The following WWP1 variants were observed in gnomAD, a reference collection of about 807,000 sequenced individuals.
WWP1 encodes the protein NEDD4-like E3 ubiquitin-protein ligase WWP1.
In WWP1, 49 loss-of-function variants were observed where a neutral mutation model predicts 130.6. The ratio of observed to expected loss-of-function variants is 0.38; its 90% CI spans 0.30 to 0.48. The LOEUF (loss-of-function observed/expected upper bound fraction) is 0.48, where lower values mean the gene tolerates loss of function less well. Ranked by LOEUF, WWP1 falls within the 20% of genes least tolerant of loss-of-function variation. The pLI is 0.99. For synonymous variants in WWP1, 332 were observed against 367.8 expected, an observed-to-expected ratio of 0.90 and a Z score of 1.11; for missense variants, 809 against 1,100.6, an observed-to-expected ratio of 0.74 and a Z score of 3.75.
intron 1 of WWP1, among the ~76,000 whole-genome samples, chr8:86,367,279 G>A (rs1348176524): frequency 6.6e-6 from 1 of 152,164 alleles, no homozygotes; most frequent in Non-Finnish European, 1.5e-5. Flanking sequence ...AAGTATGTTT[G>A]TTAATTGATC....
At chr8:86,421,627 A>T (rs1332060190) in intron 9 of WWP1, among the ~76,000 whole-genome samples, 2 of 152,090 alleles carry the variant, frequency 1.3e-5, no homozygotes, top group African/African-American at 4.8e-5. Context: ...GTTTGAGACC[A>T]TTCTGGCTAA....
At chr8:86,391,587 A>C (rs548997625) in intron 5 of WWP1, among the ~76,000 whole-genome samples, 2 of 152,174 alleles carry the variant, frequency 1.3e-5, no homozygotes, top group Admixed American at 6.5e-5. Context: ...TACTTTAATC[A>C]ATAATATGTT....
Position 86,448,581 on chromosome 8 carries a change from C to G in WWP1, c.2273+68C>G, listed in dbSNP as rs113070596. On this transcript the variant is annotated intron_variant, in intron 20 of 24. Transcript: ENST00000517970. ...CAGAACTAAATCCTCTCTCTGTACC[C>G]TTAATTTCATCCCCTTTTCATGCCT... 8.7e-5 allele frequency: 125 copies of G among 1,429,132 alleles called. 2 individuals are homozygous for G. The African/African-American group carries it at 1.4e-3, about 16-fold the overall frequency. The allele number at this position is 1,429,132 out of a possible 1,614,324, so 88.5% of individuals were successfully genotyped here.
chr8:86,428,699 C>T (rs202107014), intron 11 of WWP1, among the ~76,000 whole-genome samples: 17 of 152,134 alleles, frequency 1.1e-4, no homozygotes, highest in East Asian at 1.9e-4. Context: ...GTTTCCATAG[C>T]GTTTCCTGCT....
intron 17 of WWP1, 56 bp from the exon 18 acceptor site, chr8:86,442,563 T>C: frequency 1.4e-6 from 2 of 1,455,854 alleles, no homozygotes; most frequent in Non-Finnish European, 1.9e-6. Flanking sequence ...ATTTAAGATC[T>C]GTTTTTAAAT....
intron 1 of WWP1, among the ~76,000 whole-genome samples, chr8:86,358,179 G>T (rs1586249583): frequency 6.6e-6 from 1 of 152,164 alleles, no homozygotes; most frequent in South Asian, 2.1e-4. Flanking sequence ...TTTTGTATTG[G>T]ACGTTTTTCT....
At chr8:86,401,948 C>G in intron 7 of WWP1, 71 bp from the exon 8 acceptor site, 1 of 1,324,892 alleles carries the variant, frequency 7.5e-7, no homozygotes, top group Non-Finnish European at 9.9e-7. Flanking sequence ...TTTAGTAAAT[C>G]CTATGAAAAT....
intron 5 of WWP1, among the ~76,000 whole-genome samples, chr8:86,397,528 A>G (rs959680862): frequency 1.3e-5 from 2 of 152,198 alleles, no homozygotes; most frequent in Admixed American, 6.5e-5. Flanking sequence ...ACATTGTGCA[A>G]TATCTCCAAG....
intron 5 of WWP1, among the ~76,000 whole-genome samples, chr8:86,388,876 T>C (rs545398251): frequency 6.6e-6 from 1 of 152,276 alleles, no homozygotes; most frequent in South Asian, 2.1e-4. Context: ...CTTTTTAATT[T>C]TATATTCCCA....
chr8:86,347,181 C>A (rs1056327077), intron 1 of WWP1, among the ~76,000 whole-genome samples: 1 of 151,984 alleles, frequency 6.6e-6, no homozygotes, highest in African/African-American at 2.4e-5. Flanking sequence ...GAGATGGGGT[C>A]TTGCTGTGTT....
chr8:86,442,620 G>T lies in WWP1; in HGVS notation c.1840G>T (p.Glu614Ter). The T allele has an allele frequency of 6.3e-7, 1 of 1,589,714 alleles. No homozygotes were observed. The highest frequency in any genetic ancestry group is 2.3e-4 in the Middle Eastern group (1 of 4,432). The change falls in exon 18 of 25, where the codon GAA (glutamate) becomes TAA (stop). Residue 614 changes from glutamate (E) to a stop codon, truncating the protein, a stop_gained and splice_region_variant. Transcript: ENST00000517970. LOFTEE classifies it high-confidence loss of function. ...TAACCTTGACTTATTTTCTTATAGA[G>T]AATGGTTTTTCTTGCTTTCACATGA... ...EGLDYGGLAR[E>*]WFFLLSHEVL...
intron 3 of WWP1, among the ~76,000 whole-genome samples, chr8:86,379,395 A>C (rs1435731701): frequency 6.6e-6 from 1 of 152,124 alleles, no homozygotes; most frequent in East Asian, 1.9e-4. Flanking sequence ...TTGTGTGACT[A>C]TTTAGATTAT....
At chr8:86,355,009 A>G (rs1823174267) in intron 1 of WWP1, among the ~76,000 whole-genome samples, 1 of 152,074 alleles carries the variant, frequency 6.6e-6, no homozygotes, top group African/African-American at 2.4e-5. Context: ...AGACAGGAAA[A>G]CTGAGACTCA....
intron 17 of WWP1, 37 bp from the exon 18 acceptor site, chr8:86,442,582 T>G: frequency 6.5e-7 from 1 of 1,541,564 alleles, no homozygotes; most frequent in South Asian, 1.2e-5. Flanking sequence ...ATTCACATAT[T>G]AATGCTAAAA....
At chr8:86,343,033 C>T (rs1359142069) in intron 1 of WWP1, 103 bp downstream of exon 1, 4 of 299,782 alleles carry the variant, frequency 1.3e-5, no homozygotes, top group Admixed American at 5.1e-5. Flanking sequence ...GCGCCGTCCG[C>T]CCCCGGGCTG....
intron 17 of WWP1, chr8:86,440,849 G>GT: frequency 3.1e-6 from 1 of 327,644 alleles, no homozygotes; most frequent in South Asian, 2.6e-5. Flanking sequence ...TCATGTCACT[G>GT]TTTGCAGTAC....
intron 17 of WWP1, among the ~76,000 whole-genome samples, chr8:86,439,669 A>G (rs1386031887): frequency 1.3e-5 from 2 of 152,194 alleles, no homozygotes; most frequent in African/African-American, 4.8e-5. Context: ...AAAGTTTTCT[A>G]CATTCACTAA....
At chr8:86,413,697 T>A (rs1014225735) in intron 9 of WWP1, among the ~76,000 whole-genome samples, 1 of 152,162 alleles carries the variant, frequency 6.6e-6, no homozygotes, top group Non-Finnish European at 1.5e-5. Flanking sequence ...TATTATTTTG[T>A]TATAGTTTGA....
chr8:86,411,956 GT>G, intron 9 of WWP1, 82 bp downstream of exon 9: 1 of 1,297,766 alleles, frequency 7.7e-7, no homozygotes, highest in Non-Finnish European at 1.1e-6. Context: ...TGCATAAAAT[GT>G]TTTCATTGTT....
Sources: gnomAD v4.1 joint callset for allele counts (sites outside exome capture counted in the v4.1 genomes callset) on GRCh38, gnomAD v4.1.1 for gene constraint, MANE v1.5 for transcripts, NCBI Gene and HGNC (gene_info 2026-07-23, HGNC 2026-07-21) for gene names.